Variants in SMO observed in about 807,000 individuals in gnomAD.
SMO encodes the protein smoothened, frizzled class receptor, also known as protein smoothened.
In SMO, 40 loss-of-function variants were observed where a neutral mutation model predicts 81.6. The ratio of observed to expected loss-of-function variants is 0.49; its 90% CI spans 0.38 to 0.64. SMO has a LOEUF of 0.64. Among genes scored for constraint, SMO ranks in the 30% least tolerant of loss-of-function variants. SMO has a pLI of 0.00. For synonymous variants in SMO, 434 were observed against 432.1 expected (o/e 1.00, Z -0.05); for missense variants, 916 against 1,061.1 (o/e 0.86, Z 1.90).
rs756420996 is a variant in SMO at position 129,211,870 on chromosome 7, A to C, written c.1936+100A>C. 1 of 1,512,844 alleles carries C rather than the reference A, an allele frequency of 6.6e-7. No homozygotes were observed. The highest frequency in any genetic ancestry group is 1.7e-5 in the Admixed American group (1 of 58,164). 93.7% of individuals were successfully genotyped at this position (1,512,844 alleles called of 1,614,324 possible). A position where few individuals can be genotyped will look rare whatever the true frequency, so the allele number is the denominator to read the frequency against. On this transcript the variant is annotated intron_variant, in intron 11 of 11. Coordinates refer to ENST00000249373, the MANE Select transcript of SMO (RefSeq NM_005631.5). The surrounding 1 kb of genome is among the most constrained non-coding windows in gnomAD (Gnocchi z 4.6). Reference sequence around the variant, plus strand: ...GGCTGTCGGAGGAGGAGGAAGAGGAAGGAAAGGCCCCAGAGGATCTGAAGA... The same window carrying C: ...GGCTGTCGGAGGAGGAGGAAGAGGACGGAAAGGCCCCAGAGGATCTGAAGA...
intron 7 of SMO, 89 bp from the exon 8 acceptor site, chr7:129,209,200 T>G: frequency 1.3e-6 from 1 of 775,960 alleles, no homozygotes; most frequent in East Asian, 2.5e-5. Flanking sequence ...TGGGTGAACT[T>G]TGAGGCCCAG....
At chr7:129,209,061 G>C in intron 7 of SMO, 1 of 614,300 alleles carries the variant, frequency 1.6e-6, no homozygotes, top group South Asian at 1.9e-5. Context: ...GTTCATGCCG[G>C]GACTGGTTCC....
At chr7:129,193,804 A>G (rs1273125447) in intron 1 of SMO, among the ~76,000 whole-genome samples, 1 of 111,128 alleles carries the variant, frequency 9.0e-6, no homozygotes, top group African/African-American at 3.5e-5. Context: ...ATATATATAT[A>G]TATATATATA....
chr7:129,207,625 G>A (rs566977762), intron 6 of SMO, among the ~76,000 whole-genome samples: 27 of 152,222 alleles, frequency 1.8e-4, no homozygotes, highest in Admixed American at 3.3e-4. Context: ...TGGGTGCGGC[G>A]GCTCACTCCT....
Position 129,206,698 on chromosome 7 carries a change from T to G in SMO, c.1264+111T>G. ...CCCCCATGCTGAAACCCCAGCTAGCTCCTATAGGGCCTTCACACAGTAGAA... is the reference window on the plus strand; with the variant it reads ...CCCCCATGCTGAAACCCCAGCTAGCGCCTATAGGGCCTTCACACAGTAGAA... On this transcript the variant is annotated intron_variant, in intron 6 of 11. Transcript: ENST00000249373. This position sits in a 1 kb window ranked among gnomAD's most constrained non-coding sequence, Gnocchi z 4.4. The G allele has an allele frequency of 2.7e-6, 3 of 1,114,324 alleles. No individual in the cohort carries two copies. Among genetic ancestry groups the G allele is most frequent in the Non-Finnish European group, 3.8e-6 (3 of 788,494 alleles). 69.0% of individuals were successfully genotyped at this position (1,114,324 alleles called of 1,614,324 possible). A position where few individuals can be genotyped will look rare whatever the true frequency, so the allele number is the denominator to read the frequency against.
intron 1 of SMO, among the ~76,000 whole-genome samples, chr7:129,195,726 A>G (rs1344838791): frequency 6.6e-6 from 1 of 152,224 alleles, no homozygotes; most frequent in Non-Finnish European, 1.5e-5. Context: ...CAAAGTGATT[A>G]TAAGCATTGA....
chr7:129,202,452 C>A (rs1236139942), intron 1 of SMO, among the ~76,000 whole-genome samples: 2 of 152,186 alleles, frequency 1.3e-5, no homozygotes, highest in Non-Finnish European at 2.9e-5. Flanking sequence ...TCCTCATATT[C>A]TCTCCTAATG....
intron 6 of SMO, among the ~76,000 whole-genome samples, chr7:129,207,289 G>A (rs1429978324): frequency 1.3e-5 from 2 of 152,140 alleles, no homozygotes; most frequent in Non-Finnish European, 2.9e-5. Flanking sequence ...ACATTAATTC[G>A]ATATGTACTG....
chr7:129,208,725 C>T lies in SMO; in HGVS notation c.1265-34C>T, dbSNP rs752954006. 8 of 1,405,980 alleles carry T rather than the reference C, an allele frequency of 5.7e-6. No homozygotes were observed. Among genetic ancestry groups the T allele is most frequent in the Non-Finnish European group, 8.1e-6 (8 of 991,558 alleles). The allele number at this position is 1,405,980 out of a possible 1,614,324, so 87.1% of individuals were successfully genotyped here. On this transcript the variant is annotated intron_variant, in intron 6 of 11. Transcript: ENST00000249373. The surrounding 1 kb of genome is among the most constrained non-coding windows in gnomAD (Gnocchi z 5.2). Reference sequence around the variant, plus strand: ...ATCCTTCCCAGCAGGGCAGCCTCACCCCTGCTAATGTCTGAGGTCCCCCTT... The same window carrying T: ...ATCCTTCCCAGCAGGGCAGCCTCACTCCTGCTAATGTCTGAGGTCCCCCTT...
In SMO at chr7:129,212,119, A is replaced by G. The variant is rs1793882271; in HGVS notation, c.2032A>G (p.Arg678Gly). ...RLGRKKKRRK[R>G]KKEVCPLAPP... ...GGGCCGGAAGAAGAAGAGGAGGAAG[A>G]GGAAGAAGGAGGTGTGCCCGCTGGC... The change falls in exon 12 of 12, where the codon AGG (arginine) becomes GGG (glycine). Residue 678 changes from arginine to glycine, a missense_variant. Around this residue, in one of 4 missense-constraint regions of SMO, gnomAD observed 324 missense variants for 312.9 expected, o/e 1.04. Transcript: ENST00000249373. The surrounding 1 kb of genome is among the most constrained non-coding windows in gnomAD (Gnocchi z 5.0). 1.3e-6 allele frequency: 2 copies of G among 1,567,366 alleles called. No individual in the cohort carries two copies. The highest frequency in any genetic ancestry group is 8.6e-7 in the Non-Finnish European group (1 of 1,157,258).
rs75661386 is a variant in SMO, at chr7:129,208,550, C to T, written c.1265-209C>T. On this transcript the variant is annotated intron_variant, in intron 6 of 11. Transcript: ENST00000249373. The surrounding 1 kb of genome is among the most constrained non-coding windows in gnomAD (Gnocchi z 5.2). ...TTCTTCAGGGGCAGCTGGGCCACGA[C>T]CGAGGCTCCCTCTTCTCAAGTGTCT... Among the ~76,000 whole-genome samples the T allele has an allele frequency of 0.013, 1,905 of 152,212 alleles. 22 individuals are homozygous for T. The highest frequency in any genetic ancestry group is 0.027 in the Middle Eastern group (8 of 294).
At position 129,203,447 on chromosome 7, in the gene SMO, C is replaced by G. The variant is rs2150646606; in HGVS notation, c.395C>G (p.Pro132Arg). 1 of 1,573,564 alleles carries G rather than the reference C, an allele frequency of 6.4e-7. No individual in the cohort carries two copies. Among genetic ancestry groups the G allele is most frequent in the Non-Finnish European group, 8.6e-7 (1 of 1,159,002 alleles). Residue 132 changes from proline to arginine, a missense_variant, in exon 2 of 12, where the codon CCC becomes CGC. Physicochemically the swap from Pro to Arg is moderately radical, Grantham distance 103 (BLOSUM62 -2). Transcript: ENST00000249373. ...IQPLLCAVYM[P>R]KCENDRVELP... is the part of the protein sequence containing the mutation. The stretch of plus-strand genomic sequence containing the variant: ...CCCCTGCTGTGTGCCGTATACATGC[C>G]CAAGTGTGAGAATGACCGGGTGGAG...
Position 129,205,910 on chromosome 7 carries a change from C to T in SMO, c.920+128C>T. ...GGATCTGGCTCTGCCCTACTGCATA[C>T]TGCATGCAAGATCTCCAGTGTTAGG... On this transcript the variant is annotated intron_variant, in intron 4 of 11. Transcript: ENST00000249373. 3.7e-6 allele frequency: 3 copies of T among 804,974 alleles called. No individual in the cohort carries two copies. The South Asian group carries it at 5.2e-5, about 14-fold the overall frequency. 49.9% of individuals were successfully genotyped at this position (804,974 alleles called of 1,614,324 possible). A position where few individuals can be genotyped will look rare whatever the true frequency, so the allele number is the denominator to read the frequency against.
At chr7:129,196,562 T>C (rs1400100752) in intron 1 of SMO, among the ~76,000 whole-genome samples, 4 of 152,178 alleles carry the variant, frequency 2.6e-5, no homozygotes, top group African/African-American at 9.7e-5. Flanking sequence ...CTTCCAAACA[T>C]TGAACATTTA....
chr7:129,191,889 G>T (rs1017571477), intron 1 of SMO, among the ~76,000 whole-genome samples: 4 of 152,112 alleles, frequency 2.6e-5, no homozygotes, highest in Admixed American at 1.3e-4. Context: ...CACATGCTGC[G>T]CATGTAAGGA....
chr7:129,212,321 A>G lies in SMO; in HGVS notation c.2234A>G (p.Gln745Arg), dbSNP rs377501107. 23 of 1,614,074 alleles carry G rather than the reference A, an allele frequency of 1.4e-5. No individual in the cohort carries two copies. The highest frequency in any genetic ancestry group is 1.7e-5 in the Non-Finnish European group (20 of 1,180,034). Residue 745 changes from glutamine to arginine, a missense_variant, in exon 12 of 12, where the codon CAG becomes CGG. Gln to Arg is a conservative substitution (Grantham distance 43). This residue lies in a region of SMO where 324 missense variants were observed against 312.9 expected (regional missense o/e 1.04). Transcript: ENST00000249373. This position sits in a 1 kb window ranked among gnomAD's most constrained non-coding sequence, Gnocchi z 5.0. ...NPFCPEPSPP[Q>R]DPFLPSAPAP... ...TTCTGCCCAGAGCCCAGTCCCCCTC[A>G]GGATCCATTTCTGCCCAGTGCACCG...
chr7:129,202,853 C>T (rs1793693017), intron 1 of SMO, among the ~76,000 whole-genome samples: 2 of 152,170 alleles, frequency 1.3e-5, no homozygotes, highest in African/African-American at 4.8e-5. Flanking sequence ...CCGGGGAGCT[C>T]TACCAGAGGC....
Position 129,189,721 on chromosome 7 carries a change from G to A in SMO, c.331+239G>A, listed in dbSNP as rs1188038722. Among the ~76,000 whole-genome samples, 1 of 152,180 alleles carries A rather than the reference G, an allele frequency of 6.6e-6. No homozygotes were observed. Among genetic ancestry groups the A allele is most frequent in the Non-Finnish European group, 1.5e-5 (1 of 68,030 alleles). On this transcript the variant is annotated intron_variant, in intron 1 of 11. Coordinates refer to ENST00000249373, the MANE Select transcript of SMO (RefSeq NM_005631.5). This position sits in a 1 kb window ranked among gnomAD's most constrained non-coding sequence, Gnocchi z 4.7. Reference sequence around the variant, plus strand: ...GGTCACAAAGGGCCTGAGCTGGTGGGTGAGCAAAGGATGGCGGGGATGAGG... The same window carrying A: ...GGTCACAAAGGGCCTGAGCTGGTGGATGAGCAAAGGATGGCGGGGATGAGG...
chr7:129,192,054 A>AT (rs1284254181), intron 1 of SMO, among the ~76,000 whole-genome samples: 6 of 152,028 alleles, frequency 3.9e-5, no homozygotes, highest in Non-Finnish European at 5.9e-5. Flanking sequence ...AAAAAAAAAA[A>AT]GGAAGACAGA....
Sources: allele counts gnomAD v4.1 joint callset (sites outside exome capture counted in the v4.1 genomes callset), GRCh38; gene constraint gnomAD v4.1.1; regional missense constraint gnomAD v4.1.1; non-coding constraint Gnocchi (gnomAD v3.1); transcripts MANE v1.5; gene names NCBI Gene and HGNC (gene_info 2026-07-23, HGNC 2026-07-21).